FER: variants seen among roughly 807,000 people sequenced by gnomAD.
The protein encoded by FER is FER tyrosine kinase.
A neutral mutation model predicts 111.0 loss-of-function variants in FER; 63 were observed. The ratio of observed to expected loss-of-function variants is 0.57; its 90% CI spans 0.46 to 0.70. The LOEUF (loss-of-function observed/expected upper bound fraction) is 0.70, where lower values mean the gene tolerates loss of function less well. Among genes scored for constraint, FER ranks in the 30% least tolerant of loss-of-function variants. FER has a pLI of 0.00. For synonymous variants in FER, 327 were observed against 313.9 expected, an observed-to-expected ratio of 1.04 and a Z score of -0.44; for missense variants, 914 against 954.0, an observed-to-expected ratio of 0.96 and a Z score of 0.55.
chr5:108,985,918 C>T (rs1387730276), intron 13 of FER, among the ~76,000 whole-genome samples: 1 of 152,218 alleles, frequency 6.6e-6, no homozygotes, highest in Non-Finnish European at 1.5e-5. Flanking sequence ...ATACCTTTTT[C>T]GTACAATGAC....
At chr5:108,898,739 G>C (rs1313549963) in intron 10 of FER, among the ~76,000 whole-genome samples, 1 of 145,000 alleles carries the variant, frequency 6.9e-6, no homozygotes, top group Non-Finnish European at 1.5e-5. Context: ...ATCTATCTAT[G>C]TATGTTGGTG....
At chr5:109,178,886 T>C (rs1757989371) in intron 17 of FER, among the ~76,000 whole-genome samples, 1 of 152,234 alleles carries the variant, frequency 6.6e-6, no homozygotes, top group Admixed American at 6.5e-5. Context: ...TATACATTAA[T>C]TTGGGCAGAA....
intron 10 of FER, among the ~76,000 whole-genome samples, chr5:108,905,919 C>G (rs932864149): frequency 3.3e-5 from 5 of 152,050 alleles, no homozygotes; most frequent in Non-Finnish European, 7.4e-5. Flanking sequence ...GGTATTCTAA[C>G]AGGGTGAAAA....
chr5:109,112,612 T>C (rs1749763390), intron 17 of FER, among the ~76,000 whole-genome samples: 1 of 152,162 alleles, frequency 6.6e-6, no homozygotes, highest in Non-Finnish European at 1.5e-5. Flanking sequence ...CTTTAACATT[T>C]TATTTACTTG....
At chr5:109,138,510 A>G (rs1225907697) in intron 17 of FER, among the ~76,000 whole-genome samples, 1 of 152,234 alleles carries the variant, frequency 6.6e-6, no homozygotes, top group Non-Finnish European at 1.5e-5. Context: ...TGTCAATTAA[A>G]TAGTTTAAAA....
intron 10 of FER, among the ~76,000 whole-genome samples, chr5:108,900,176 TAAGAC>T (rs1193290525): frequency 6.6e-6 from 1 of 152,206 alleles, no homozygotes; most frequent in Admixed American, 6.5e-5. Context: ...ATTTTACAAA[TAAGAC>T]AGGGCATTCT....
chr5:108,925,933 C>T (rs1011298554), intron 10 of FER, among the ~76,000 whole-genome samples: 6 of 151,848 alleles, frequency 4.0e-5, no homozygotes, highest in African/African-American at 1.4e-4. Flanking sequence ...TCTCTGAAGC[C>T]TGAGGTAATT....
chr5:108,775,561 A>G lies in FER; in HGVS notation c.-60+7323A>G, dbSNP rs925094229. On this transcript the variant is annotated intron_variant, in intron 2 of 19. Transcript: ENST00000281092. ...TATAATAGTTGATTTAAAAGCAAAC[A>G]TGTTATTCATTTGTTTATAGACTTT... 6.6e-5 allele frequency among the ~76,000 whole-genome samples: 10 copies of G among 152,324 alleles called. No individual in the cohort carries two copies. In the East Asian group the frequency reaches 9.6e-4, roughly 15 times the overall value.
intron 5 of FER, among the ~76,000 whole-genome samples, chr5:108,840,062 A>C (rs1054214378): frequency 1.3e-5 from 2 of 152,212 alleles, no homozygotes; most frequent in African/African-American, 4.8e-5. Context: ...GTGAATATGC[A>C]TACTGGATTC....
chr5:108,897,589 T>C (rs1208446716), intron 9 of FER, 70 bp from the exon 10 acceptor site: 3 of 1,108,354 alleles, frequency 2.7e-6, no homozygotes, highest in African/African-American at 3.3e-5. Flanking sequence ...AAAAGCATAA[T>C]TTACATATAT....
chr5:108,896,251 G>C (rs1749079241), intron 9 of FER, among the ~76,000 whole-genome samples: 2 of 151,612 alleles, frequency 1.3e-5, no homozygotes, highest in African/African-American at 4.8e-5. Flanking sequence ...TCCAGGACCT[G>C]GTCCTTAGAA....
chr5:108,770,578 T>C (rs1044436379), intron 2 of FER, among the ~76,000 whole-genome samples: 1 of 151,758 alleles, frequency 6.6e-6, no homozygotes, highest in Admixed American at 6.6e-5. Flanking sequence ...GACAGAGTTT[T>C]GTTATGTTGT....
At chr5:108,848,877 A>G (rs116345864) in intron 5 of FER, among the ~76,000 whole-genome samples, 2,314 of 152,172 alleles carry the variant, frequency 0.015, 22 homozygotes, top group Non-Finnish European at 0.022. Flanking sequence ...TGAATTATGT[A>G]TGTCCGAAAA....
chr5:108,990,050 G>C (rs956811664), intron 13 of FER, among the ~76,000 whole-genome samples: 7 of 151,844 alleles, frequency 4.6e-5, no homozygotes, highest in Non-Finnish European at 1.0e-4. Flanking sequence ...TTGATTAGGT[G>C]ATTTGGGACA....
At position 109,141,679 on chromosome 5, in the gene FER, G is replaced by A. The variant is rs183671650; in HGVS notation, c.2049-39068G>A. Among the ~76,000 whole-genome samples, 18 of 152,276 alleles carry A rather than the reference G, an allele frequency of 1.2e-4. No individual in the cohort carries two copies. The East Asian group carries it at 2.7e-3, about 23-fold the overall frequency. On this transcript the variant is annotated intron_variant, in intron 17 of 19. Transcript: ENST00000281092. ...AGGCAGAGAACTTGCCAAGCTGTGC[G>A]CAGGCTCTGAAAGCTACTTCCTAGA...
chr5:108,883,594 T>C, intron 9 of FER, 76 bp downstream of exon 9: 1 of 1,253,434 alleles, frequency 8.0e-7, no homozygotes, highest in Non-Finnish European at 1.1e-6. Flanking sequence ...TACATGGCAG[T>C]GTGAACCTAA....
At chr5:109,094,079 G>GGA (rs1747168200) in intron 16 of FER, among the ~76,000 whole-genome samples, 1 of 151,872 alleles carries the variant, frequency 6.6e-6, no homozygotes. Context: ...GGGTGGCAGA[G>GGA]GACTTATGGT....
At chr5:108,982,192 G>A (rs76310868) in intron 13 of FER, among the ~76,000 whole-genome samples, 8,874 of 152,060 alleles carry the variant, frequency 0.058, 400 homozygotes, top group South Asian at 0.12. Context: ...ACACTTCTAG[G>A]TGATTTGGAT....
chr5:108,760,182 G>A (rs1341734306), intron 1 of FER, among the ~76,000 whole-genome samples: 1 of 145,170 alleles, frequency 6.9e-6, no homozygotes, highest in Admixed American at 6.9e-5. Context: ...TTTCTGAGCA[G>A]TAGGTCTGAA....
Sources: allele counts gnomAD v4.1 joint callset (sites outside exome capture counted in the v4.1 genomes callset), GRCh38; gene constraint gnomAD v4.1.1; transcripts MANE v1.5; gene names NCBI Gene and HGNC (gene_info 2026-07-23, HGNC 2026-07-21).